Variants in ZNF624 observed in about 807,000 individuals in gnomAD.
The protein encoded by ZNF624 is zinc finger protein 624.
In ZNF624, 43 loss-of-function variants were observed where a neutral mutation model predicts 74.7. That is an observed-to-expected ratio of 0.58 (90% confidence interval 0.45 to 0.74). The LOEUF (loss-of-function observed/expected upper bound fraction) is 0.74. ZNF624 is among the 30% of genes least tolerant of loss of function. The pLI is 0.00. For synonymous variants in ZNF624, 331 were observed against 341.3 expected (o/e 0.97, Z 0.33); for missense variants, 820 against 1,030.0 (o/e 0.80, Z 2.79).
intron 5 of ZNF624, among the ~76,000 whole-genome samples, chr17:16,626,193 C>T (rs1471421542): frequency 6.6e-6 from 1 of 152,178 alleles, no homozygotes; most frequent in Non-Finnish European, 1.5e-5. Flanking sequence ...TCAAGTGATC[C>T]ACCCTCCTCG....
intron 1 of ZNF624, 117 bp from the exon 2 acceptor site, chr17:16,649,863 C>G (rs1597500416): frequency 1.3e-6 from 1 of 750,030 alleles, no homozygotes; most frequent in Non-Finnish European, 2.3e-6. Context: ...CAAGAGTAAC[C>G]CTTAAGATCA....
At position 16,620,904 on chromosome 17, in the gene ZNF624, T is replaced by A. The variant is rs772594015; in HGVS notation, c.*1384A>T. 1.3e-5 allele frequency: 2 copies of A among 152,208 alleles called. No homozygotes were observed. The highest frequency in any genetic ancestry group is 4.8e-5 in the African/African-American group (2 of 41,460). 9.4% of individuals were successfully genotyped at this position (152,208 alleles called of 1,614,324 possible). A position where few individuals can be genotyped will look rare whatever the true frequency, so the allele number is the denominator to read the frequency against. ...CTTTCATCTCTCTCAAAAGTTCACA[T>A]AATTACATAATATTACATTTACAGT... On this transcript the variant is annotated 3_prime_UTR_variant, in exon 6 of 6. Transcript: ENST00000311331.
downstream of ZNF624, among the ~76,000 whole-genome samples, chr17:16,618,048 T>C (rs952709266): frequency 1.3e-5 from 2 of 152,124 alleles, no homozygotes; most frequent in African/African-American, 4.8e-5. Flanking sequence ...TTGAAAAAAT[T>C]GTTGCAAAAA....
chr17:16,633,937 C>G lies in ZNF624; in HGVS notation c.301G>C (p.Asp101His). The stretch of plus-strand genomic sequence containing the variant: ...CCATTCTCCAAATGAGATATCATGT[C>G]TGGTTTGGAAACTGCAAGCCCTGTC... Reference protein sequence around the residue: ...VSLGLAVSKPDMISHLENGKG... With the variant: ...VSLGLAVSKPHMISHLENGKG... The change falls in exon 5 of 6, where the codon GAC becomes CAC. Residue 101 changes from aspartate (D) to histidine (H), a missense_variant. Coordinates refer to ENST00000311331, the MANE Select transcript of ZNF624 (RefSeq NM_020787.4). The G allele has an allele frequency of 2.5e-6, 4 of 1,613,422 alleles. No individual in the cohort carries two copies. Among genetic ancestry groups the G allele is most frequent in the Non-Finnish European group, 3.4e-6 (4 of 1,179,638 alleles).
chr17:16,617,690 G>C (rs1597488073), downstream of ZNF624: 39 of 1,605,214 alleles, frequency 2.4e-5, no homozygotes, highest in Non-Finnish European at 3.3e-5. Context: ...CTACGATCAC[G>C]CGCTCGCCGC....
the ZNF624 span, among the ~76,000 whole-genome samples, chr17:16,614,261 T>A: frequency 6.6e-6 from 1 of 151,924 alleles, no homozygotes; most frequent in Non-Finnish European, 1.5e-5. Flanking sequence ...TAAAAGTAGG[T>A]GGGTTTTTAA....
intron 5 of ZNF624, among the ~76,000 whole-genome samples, chr17:16,632,272 C>T (rs577234389): frequency 0.014 from 2,080 of 152,282 alleles, 26 homozygotes; most frequent in South Asian, 0.024. Context: ...CCTTTCCTTT[C>T]TAGATTTTAT....
At chr17:16,644,176 A>G in intron 3 of ZNF624, among the ~76,000 whole-genome samples, 1 of 152,184 alleles carries the variant, frequency 6.6e-6, no homozygotes, top group East Asian at 1.9e-4. Context: ...TGCTTCTTGT[A>G]CAAACTGCAG....
chr17:16,621,244 A>G lies in ZNF624; in HGVS notation c.*1044T>C, dbSNP rs766795347. ...AAGTCGTTTTTAAAATTACTCTCAC[A>G]CTGTTCCATAATATGGGTATGTCAC... On this transcript the variant is annotated 3_prime_UTR_variant, in exon 6 of 6. Transcript: ENST00000311331. 8.5e-5 allele frequency: 13 copies of G among 152,218 alleles called. No homozygotes were observed. The highest frequency in any genetic ancestry group is 1.9e-4 in the Non-Finnish European group (13 of 68,038). The allele number at this position is 152,218 out of a possible 1,614,324, so 9.4% of individuals were successfully genotyped here. A position where few individuals can be genotyped will look rare whatever the true frequency, so the allele number is the denominator to read the frequency against.
chr17:16,638,180 G>A (rs1425674269), intron 3 of ZNF624, among the ~76,000 whole-genome samples: 1 of 152,222 alleles, frequency 6.6e-6, no homozygotes, highest in African/African-American at 2.4e-5. Context: ...TCTCACACCA[G>A]TTAGGATGGC....
chr17:16,639,812 C>T (rs1041018712), intron 3 of ZNF624, among the ~76,000 whole-genome samples: 2 of 152,178 alleles, frequency 1.3e-5, no homozygotes, highest in African/African-American at 4.8e-5. Flanking sequence ...CAACAACAAA[C>T]CCCAGAGAGG....
rs964889002 is a variant in ZNF624 at position 16,635,482 on chromosome 17, TA to T, written c.154-727del. ...ATATATTATAAATGAAATAAAAAATTAAAAAAAAAATCCCTGAAAATTAAGA... is the reference window on the plus strand; with the variant it reads ...ATATATTATAAATGAAATAAAAAATTAAAAAAAAATCCCTGAAAATTAAGA... On this transcript the variant is annotated intron_variant, in intron 3 of 5. Coordinates refer to ENST00000311331, the MANE Select transcript of ZNF624 (RefSeq NM_020787.4). Among the ~76,000 whole-genome samples the T allele has an allele frequency of 1.8e-3, 264 of 149,232 alleles. 1 individual carries two copies. Among genetic ancestry groups the T allele is most frequent in the African/African-American group, 5.2e-3 (211 of 40,736 alleles).
At chr17:16,640,022 AAT>A (rs1462400267) in intron 3 of ZNF624, among the ~76,000 whole-genome samples, 1 of 152,250 alleles carries the variant, frequency 6.6e-6, no homozygotes, top group African/African-American at 2.4e-5. Context: ...AGCTATTATA[AAT>A]ATGTTCAAAG....
At chr17:16,646,578 T>C (rs1214399883) in intron 3 of ZNF624, among the ~76,000 whole-genome samples, 1 of 152,194 alleles carries the variant, frequency 6.6e-6, no homozygotes, top group Non-Finnish European at 1.5e-5. Flanking sequence ...GTACAGATAG[T>C]GGAAAAAAGA....
chr17:16,622,242 G>C lies in ZNF624; in HGVS notation c.*46C>G. The C allele has an allele frequency of 7.2e-7, 1 of 1,391,666 alleles. No homozygotes were observed. The highest frequency in any genetic ancestry group is 9.6e-7 in the Non-Finnish European group (1 of 1,037,644). 86.2% of individuals were successfully genotyped at this position (1,391,666 alleles called of 1,614,324 possible). On this transcript the variant is annotated 3_prime_UTR_variant, in exon 6 of 6. Transcript: ENST00000311331. ...TATATTCATAAAATATAGTTTATAAGATTCATCTTGTGGAGTTGACATCTA... is the reference window on the plus strand; with the variant it reads ...TATATTCATAAAATATAGTTTATAACATTCATCTTGTGGAGTTGACATCTA...
chr17:16,614,666 C>A, the ZNF624 span, among the ~76,000 whole-genome samples: 1 of 152,016 alleles, frequency 6.6e-6, no homozygotes, highest in Non-Finnish European at 1.5e-5. Flanking sequence ...AAACAAAAAA[C>A]CAAAAACAAA....
Position 16,622,436 on chromosome 17 carries a change from A to C in ZNF624, c.2450T>G (p.Phe817Cys). The C allele has an allele frequency of 6.2e-7, 1 of 1,613,994 alleles. No homozygotes were observed. The highest frequency in any genetic ancestry group is 1.3e-5 in the African/African-American group (1 of 75,030). ...PYKCEECGKA[F>C]RTNSDFTVHL... The stretch of plus-strand genomic sequence containing the variant: ...TACAGTAAAGTCTGAGTTAGTTCTG[A>C]AGGCTTTTCCACATTCTTCACATTT... Residue 817 changes from phenylalanine to cysteine, a missense_variant, in exon 6 of 6, where the codon TTC becomes TGC. Coordinates refer to ENST00000311331, the MANE Select transcript of ZNF624 (RefSeq NM_020787.4).
intron 2 of ZNF624, 151 bp from the exon 3 acceptor site, chr17:16,647,545 G>A (rs1012390334): frequency 1.5e-6 from 1 of 648,916 alleles, no homozygotes; most frequent in Admixed American, 2.3e-5. Context: ...AAGTCCCATT[G>A]TAACATGCAA....
intron 1 of ZNF624, among the ~76,000 whole-genome samples, chr17:16,650,563 A>G (rs1909700864): frequency 6.6e-6 from 1 of 152,110 alleles, no homozygotes; most frequent in Admixed American, 6.5e-5. Flanking sequence ...TTTTCCAGGG[A>G]TGCTTGGGCC....
Sources: allele counts gnomAD v4.1 joint callset (sites outside exome capture counted in the v4.1 genomes callset), GRCh38; gene constraint gnomAD v4.1.1; transcripts MANE v1.5; gene names NCBI Gene and HGNC (gene_info 2026-07-23, HGNC 2026-07-21).